The following TRAPPC12 variants were observed in gnomAD, a reference collection of about 807,000 sequenced individuals.
TRAPPC12 encodes the protein trafficking protein particle complex subunit 12.
A neutral mutation model predicts 69.2 loss-of-function variants in TRAPPC12; 61 were observed. That is an observed-to-expected ratio of 0.88 (90% CI 0.72 to 1.09). TRAPPC12 has a LOEUF of 1.09. Ranked by LOEUF, TRAPPC12 falls within the 50% of genes least tolerant of loss-of-function variation. The probability of loss-of-function intolerance (pLI) is 0.00; values close to 1 mark genes in which losing one functional copy is unlikely to be tolerated. For synonymous variants in TRAPPC12, 469 were observed against 438.9 expected (o/e 1.07, Z -0.86); for missense variants, 1,101 against 1,016.4 (o/e 1.08, Z -1.13).
chr2:3,452,906 G>A (rs1005413040), intron 6 of TRAPPC12, among the ~76,000 whole-genome samples: 1 of 152,192 alleles, frequency 6.6e-6, no homozygotes, highest in Non-Finnish European at 1.5e-5. Flanking sequence ...CATCTTTAAA[G>A]CTTACAAAAT....
chr2:3,455,191 C>T (rs1342789364), intron 6 of TRAPPC12: 1 of 107,390 alleles, frequency 9.3e-6, no homozygotes, highest in African/African-American at 3.2e-5. Context: ...TGTGCTCCCT[C>T]TACACTAGCC....
chr2:3,387,360 A>C, intron 1 of TRAPPC12, among the ~76,000 whole-genome samples: 1 of 151,884 alleles, frequency 6.6e-6, no homozygotes, highest in East Asian at 1.9e-4. Flanking sequence ...TATACGGGGG[A>C]ATGTTTAATG....
At chr2:3,468,367 T>C (rs9309711) in intron 9 of TRAPPC12, among the ~76,000 whole-genome samples, 61,058 of 151,596 alleles carry the variant, frequency 0.4, 14,132 homozygotes, top group African/African-American at 0.64. Flanking sequence ...CCGACCCTGG[T>C]CCAGCTGCTC....
rs557672856 is a variant in TRAPPC12, at chr2:3,390,585, G to A, written c.1047+1915G>A. On this transcript the variant is annotated intron_variant, in intron 2 of 11. Transcript: ENST00000324266. ...TTAAAATGATGCCAGGGGTTAGGGG[G>A]AGGAAGGGATGAACAGGTGGAACAT... 2.6e-5 allele frequency among the ~76,000 whole-genome samples: 4 copies of A among 152,342 alleles called. No individual in the cohort carries two copies. In the South Asian group the frequency reaches 6.2e-4, roughly 24 times the overall value.
intron 6 of TRAPPC12, among the ~76,000 whole-genome samples, chr2:3,450,911 C>T (rs764456784): frequency 3.9e-5 from 6 of 152,202 alleles, no homozygotes; most frequent in African/African-American, 7.2e-5. Flanking sequence ...AAGGGACAGA[C>T]GCAAAGGCTC....
rs369884151 is a variant in TRAPPC12, at chr2:3,472,164, C to T, written c.1777-5531C>T. Among the ~76,000 whole-genome samples the T allele has an allele frequency of 5.9e-5, 9 of 152,244 alleles. 1 individual carries two copies. Among genetic ancestry groups the T allele is most frequent in the South Asian group, 4.1e-4 (2 of 4,824 alleles). On this transcript the variant is annotated intron_variant, in intron 9 of 11. Coordinates refer to ENST00000324266, the MANE Select transcript of TRAPPC12 (RefSeq NM_016030.6). ...AGCAAGAACCAAGGTCACCTCTGAC[C>T]GAGTTCCCAGAGAGCAGGAACCCAG...
chr2:3,399,812 C>G (rs1482745519), intron 2 of TRAPPC12, among the ~76,000 whole-genome samples: 2 of 149,136 alleles, frequency 1.3e-5, no homozygotes, highest in African/African-American at 5.0e-5. Flanking sequence ...CCCCGCTCCC[C>G]CCGCCACCGC....
At chr2:3,398,972 C>T (rs893224230) in intron 2 of TRAPPC12, among the ~76,000 whole-genome samples, 1 of 152,210 alleles carries the variant, frequency 6.6e-6, no homozygotes, top group Non-Finnish European at 1.5e-5. Context: ...CCTCCCCCTC[C>T]CACCTCCCCT....
At chr2:3,442,472 G>T (rs1664276720) in intron 5 of TRAPPC12, among the ~76,000 whole-genome samples, 1 of 152,120 alleles carries the variant, frequency 6.6e-6, no homozygotes, top group African/African-American at 2.4e-5. Flanking sequence ...TATGCGGATG[G>T]TCTAGAAATG....
At chr2:3,387,547 A>T in intron 1 of TRAPPC12, 73 bp from the exon 2 acceptor site, 4 of 1,165,054 alleles carry the variant, frequency 3.4e-6, no homozygotes, top group Non-Finnish European at 4.8e-6. Context: ...TTGAATCTAT[A>T]AGCAATACTC....
intron 8 of TRAPPC12, among the ~76,000 whole-genome samples, chr2:3,463,691 C>T (rs1665640134): frequency 2.0e-5 from 3 of 151,922 alleles, no homozygotes; most frequent in Admixed American, 2.0e-4. Context: ...CGCCCCCACC[C>T]TGCGCTCTCT....
chr2:3,452,447 G>T (rs141726624), intron 6 of TRAPPC12, among the ~76,000 whole-genome samples: 2 of 152,196 alleles, frequency 1.3e-5, no homozygotes, highest in African/African-American at 4.8e-5. Context: ...ATGCATGGCC[G>T]CATTTAAACT....
chr2:3,468,624 G>A (rs1215935925), intron 9 of TRAPPC12, among the ~76,000 whole-genome samples: 1 of 152,168 alleles, frequency 6.6e-6, no homozygotes, highest in Non-Finnish European at 1.5e-5. Context: ...GGCATTCCCA[G>A]GTCTCAGCAA....
At chr2:3,428,622 T>G (rs1366316025) in intron 5 of TRAPPC12, among the ~76,000 whole-genome samples, 1 of 152,214 alleles carries the variant, frequency 6.6e-6, no homozygotes, top group Non-Finnish European at 1.5e-5. Context: ...AGGAACAGTA[T>G]TATGGTTGAT....
chr2:3,384,237 A>G (rs1473625941), intron 1 of TRAPPC12, among the ~76,000 whole-genome samples: 2 of 152,162 alleles, frequency 1.3e-5, no homozygotes, highest in Non-Finnish European at 1.5e-5. Flanking sequence ...GATGTATTCT[A>G]CATAAATAAT....
At chr2:3,478,972 T>C (rs1398562275) in intron 11 of TRAPPC12, 39 bp downstream of exon 11, 1 of 1,595,666 alleles carries the variant, frequency 6.3e-7, no homozygotes. Flanking sequence ...ATCCTCTGCC[T>C]TTCACAGACG....
intron 1 of TRAPPC12, among the ~76,000 whole-genome samples, chr2:3,380,704 A>T (rs190486456): frequency 5.8e-4 from 88 of 152,332 alleles, no homozygotes; most frequent in African/African-American, 2.1e-3. Context: ...AGTGTTACTC[A>T]TTCAGTTCTT....
At chr2:3,396,713 T>C (rs899453665) in intron 2 of TRAPPC12, among the ~76,000 whole-genome samples, 16 of 152,370 alleles carry the variant, frequency 1.1e-4, no homozygotes, top group South Asian at 6.2e-4. Flanking sequence ...CTTCAGACTT[T>C]TTAGTTTGCA....
chr2:3,380,600 C>A (rs1418553268), intron 1 of TRAPPC12, among the ~76,000 whole-genome samples: 1 of 152,112 alleles, frequency 6.6e-6, no homozygotes, highest in Non-Finnish European at 1.5e-5. Flanking sequence ...AGTCACTGTT[C>A]GCAAATTCAG....
Sources: allele counts gnomAD v4.1 joint callset (sites outside exome capture counted in the v4.1 genomes callset), GRCh38; gene constraint gnomAD v4.1.1; transcripts MANE v1.5; gene names NCBI Gene and HGNC (gene_info 2026-07-23, HGNC 2026-07-21).